The following PRKCB variants were observed in gnomAD, a reference collection of about 807,000 sequenced individuals.
PRKCB encodes protein kinase C beta.
In PRKCB, 13 loss-of-function variants were observed where a neutral mutation model predicts 81.5. The ratio of observed to expected loss-of-function variants is 0.16; its 90% CI spans 0.10 to 0.25. PRKCB has a LOEUF of 0.25. Among genes scored for constraint, PRKCB ranks in the 10% least tolerant of loss-of-function variants. The pLI, the probability that PRKCB is intolerant of heterozygous loss-of-function variation, is 1.00. For synonymous variants in PRKCB, 335 were observed against 321.4 expected, an observed-to-expected ratio of 1.04 and a Z score of -0.45; for missense variants, 509 against 875.7, an observed-to-expected ratio of 0.58 and a Z score of 5.29.
intron 2 of PRKCB, among the ~76,000 whole-genome samples, chr16:23,886,422 T>G (rs1357906614): frequency 7.0e-6 from 1 of 143,646 alleles, no homozygotes; most frequent in African/African-American, 2.6e-5. Context: ...TTTTTTTTTT[T>G]TTTTTTTTTT....
intron 2 of PRKCB, among the ~76,000 whole-genome samples, chr16:23,859,262 AT>A (rs1962622823): frequency 6.6e-6 from 1 of 152,248 alleles, no homozygotes; most frequent in South Asian, 2.1e-4. Context: ...CTCCACCAGT[AT>A]CCCTGGTCAG....
intron 2 of PRKCB, among the ~76,000 whole-genome samples, chr16:23,982,311 C>CTTCCCT (rs1964747913): frequency 8.1e-6 from 1 of 122,994 alleles, no homozygotes; most frequent in African/African-American, 3.2e-5. Context: ...TTCCCTTTCC[C>CTTCCCT]TTCCCTTTCC....
chr16:23,910,248 C>T (rs773872212), intron 2 of PRKCB, among the ~76,000 whole-genome samples: 4 of 152,132 alleles, frequency 2.6e-5, no homozygotes, highest in Admixed American at 6.5e-5. Context: ...AGTGCAGTGA[C>T]CAGCACATAG....
At chr16:24,058,599 G>T (rs1164623642) in intron 5 of PRKCB, among the ~76,000 whole-genome samples, 3 of 152,104 alleles carry the variant, frequency 2.0e-5, no homozygotes, top group Admixed American at 6.6e-5. Context: ...GACATTGAAT[G>T]ACCTGAATAA....
At chr16:23,890,340 GA>G (rs969666200) in intron 2 of PRKCB, among the ~76,000 whole-genome samples, 2 of 152,232 alleles carry the variant, frequency 1.3e-5, no homozygotes, top group Non-Finnish European at 2.9e-5. Flanking sequence ...TCTTTGGCCA[GA>G]TCAAGTCTTG....
intron 9 of PRKCB, among the ~76,000 whole-genome samples, chr16:24,133,117 C>G (rs1167454966): frequency 2.0e-5 from 3 of 152,148 alleles, no homozygotes; most frequent in Non-Finnish European, 4.4e-5. Flanking sequence ...GTGGCTCACA[C>G]CTTTAATCTC....
At chr16:24,096,666 A>ATATATATATATATAT (rs1555496499) in intron 7 of PRKCB, among the ~76,000 whole-genome samples, 10 of 32,646 alleles carry the variant, frequency 3.1e-4, no homozygotes, top group East Asian at 2.3e-3. Flanking sequence ...AAAAAAAAAA[A>ATATATATATATATAT]ATATATATAT....
chr16:24,131,599 T>A (rs1966853459), intron 9 of PRKCB, among the ~76,000 whole-genome samples: 1 of 152,212 alleles, frequency 6.6e-6, no homozygotes, highest in African/African-American at 2.4e-5. Flanking sequence ...CTTTATTCGA[T>A]CATATTTTTC....
chr16:24,161,399 A>G (rs1305450913), intron 10 of PRKCB, among the ~76,000 whole-genome samples: 2 of 152,182 alleles, frequency 1.3e-5, no homozygotes. Context: ...AAGAATCAGA[A>G]GGGGGCATAA....
Position 23,907,005 on chromosome 16 carries a change from A to G in PRKCB, c.205+69599A>G, listed in dbSNP as rs1300507925. Among the ~76,000 whole-genome samples the G allele has an allele frequency of 2.0e-5, 3 of 151,924 alleles. No homozygotes were observed. In the East Asian group the frequency reaches 5.8e-4, roughly 29 times the overall value. ...GGTGGGGACAGGGTTGGGGTGGGGG[A>G]AAGTGAGTGTCCCGTGCTGGGAGGA... On this transcript the variant is annotated intron_variant, in intron 2 of 16. Transcript: ENST00000643927.
At chr16:23,905,542 CTATT>C (rs1963546142) in intron 2 of PRKCB, among the ~76,000 whole-genome samples, 1 of 152,186 alleles carries the variant, frequency 6.6e-6, no homozygotes, top group Non-Finnish European at 1.5e-5. Context: ...TCCTAAAACA[CTATT>C]TGTTGTTTAT....
chr16:24,141,871 G>A (rs759664245), intron 9 of PRKCB, among the ~76,000 whole-genome samples: 9 of 152,288 alleles, frequency 5.9e-5, no homozygotes, highest in Middle Eastern at 3.4e-3. Context: ...ATTTCATAGC[G>A]ACATTGGTCG....
chr16:23,911,407 C>T lies in PRKCB; in HGVS notation c.205+74001C>T, dbSNP rs540091535. Among the ~76,000 whole-genome samples, 6 of 152,052 alleles carry T rather than the reference C, an allele frequency of 3.9e-5. No individual in the cohort carries two copies. In the South Asian group the frequency reaches 1.2e-3, roughly 32 times the overall value. On this transcript the variant is annotated intron_variant, in intron 2 of 16. Coordinates refer to ENST00000643927, the MANE Select transcript of PRKCB (RefSeq NM_002738.7). Reference sequence around the variant, plus strand: ...CCTCCCAAAGTGCTGGGATTACAGGCATGCGCTACCATGCCTGGTCCAATT... The same window carrying T: ...CCTCCCAAAGTGCTGGGATTACAGGTATGCGCTACCATGCCTGGTCCAATT...
chr16:24,123,708 G>A (rs1966827830), intron 8 of PRKCB, 127 bp from the exon 9 acceptor site: 1 of 929,220 alleles, frequency 1.1e-6, no homozygotes, highest in Non-Finnish European at 1.6e-6. Flanking sequence ...GTGATGCATG[G>A]CTATGCTTTT....
In PRKCB at chr16:24,218,971, G is replaced by A. The variant is rs951936655; in HGVS notation, c.*4155G>A. 2.5e-5 allele frequency: 25 copies of A among 985,206 alleles called. No homozygotes were observed. The highest frequency in any genetic ancestry group is 2.5e-4 in the Admixed American group (4 of 16,256). The allele number at this position is 985,206 out of a possible 1,614,324, so 61.0% of individuals were successfully genotyped here. ...AAGCCACCCTGCCTGCTTGTGCCTC[G>A]GTTCTCTCATATGTCATATATAGGA... is the stretch of plus-strand genomic sequence containing the variant. On this transcript the variant is annotated 3_prime_UTR_variant, in exon 17 of 17. Coordinates refer to ENST00000643927, the MANE Select transcript of PRKCB (RefSeq NM_002738.7).
intron 9 of PRKCB, chr16:24,151,652 T>C (rs1003956770): frequency 5.2e-6 from 2 of 386,092 alleles, no homozygotes; most frequent in Non-Finnish European, 1.0e-5. Context: ...TGCAAGAGCA[T>C]GGAAGGACGT....
intron 2 of PRKCB, among the ~76,000 whole-genome samples, chr16:23,873,189 C>CA (rs1044352544): frequency 1.3e-4 from 9 of 67,922 alleles, no homozygotes; most frequent in Non-Finnish European, 2.1e-4. Context: ...CACACACACA[C>CA]AAAAAAAAAA....
intron 9 of PRKCB, among the ~76,000 whole-genome samples, chr16:24,128,150 G>T (rs554208519): frequency 2.0e-5 from 3 of 152,118 alleles, no homozygotes; most frequent in African/African-American, 7.2e-5. Flanking sequence ...GCCAAGGTGG[G>T]CAGATCACAA....
intron 2 of PRKCB, among the ~76,000 whole-genome samples, chr16:23,956,596 C>G (rs1022088592): frequency 6.6e-6 from 1 of 152,132 alleles, no homozygotes; most frequent in Non-Finnish European, 1.5e-5. Flanking sequence ...AGGATATTAA[C>G]ATTTTTAGTT....
Sources: allele counts gnomAD v4.1 joint callset (sites outside exome capture counted in the v4.1 genomes callset), GRCh38; gene constraint gnomAD v4.1.1; transcripts MANE v1.5; gene names NCBI Gene and HGNC (gene_info 2026-07-23, HGNC 2026-07-21).